TMTC2: variants seen among roughly 807,000 people sequenced by gnomAD.
The protein encoded by TMTC2 is protein O-mannosyl-transferase TMTC2.
TMTC2 carries 43 observed loss-of-function variants against 82.4 expected under a neutral mutation model. The ratio of observed to expected loss-of-function variants is 0.52; its 90% confidence interval spans 0.41 to 0.67. The LOEUF is 0.67. TMTC2 is among the 30% of genes least tolerant of loss of function. The pLI, the probability that TMTC2 is intolerant of heterozygous loss-of-function variation, is 0.00. For missense variants in TMTC2, 919 were observed against 1,012.4 expected, an observed-to-expected ratio of 0.91 and a Z score of 1.25; for synonymous variants, 408 against 381.9, an observed-to-expected ratio of 1.07 and a Z score of -0.80.
chr12:82,999,536 A>G (rs181384665), intron 8 of TMTC2, among the ~76,000 whole-genome samples: 9 of 147,050 alleles, frequency 6.1e-5, no homozygotes, highest in African/African-American at 2.5e-4. Context: ...TAATGGACTT[A>G]TAGTTCCACA....
At chr12:82,926,898 G>T (rs1412272079) in intron 3 of TMTC2, among the ~76,000 whole-genome samples, 1 of 152,194 alleles carries the variant, frequency 6.6e-6, no homozygotes, top group Non-Finnish European at 1.5e-5. Flanking sequence ...GAGTCCTACT[G>T]CTCAGAAAGA....
chr12:83,014,916 T>C (rs1880608167), intron 8 of TMTC2, among the ~76,000 whole-genome samples: 1 of 152,188 alleles, frequency 6.6e-6, no homozygotes, highest in African/African-American at 2.4e-5. Context: ...GCTATCTTTG[T>C]CACAGTCTCA....
At chr12:82,974,396 G>A (rs1050749981) in intron 7 of TMTC2, among the ~76,000 whole-genome samples, 2 of 152,050 alleles carry the variant, frequency 1.3e-5, no homozygotes, top group Admixed American at 6.6e-5. Flanking sequence ...TTCATTAATT[G>A]GATTTAAAAA....
chr12:82,743,558 G>T (rs1875528457), intron 1 of TMTC2, among the ~76,000 whole-genome samples: 1 of 151,360 alleles, frequency 6.6e-6, no homozygotes, highest in Non-Finnish European at 1.5e-5. Flanking sequence ...CCTTTTCATT[G>T]TTTCCCACAA....
intron 3 of TMTC2, among the ~76,000 whole-genome samples, chr12:82,901,932 C>A (rs923819131): frequency 4.6e-5 from 7 of 152,046 alleles, no homozygotes; most frequent in African/African-American, 1.4e-4. Context: ...GAAAAATGTT[C>A]TATTATTTTA....
rs780740559 is a variant in TMTC2 at position 82,891,001 on chromosome 12, C to T, written c.655-4817C>T. Among the ~76,000 whole-genome samples the T allele has an allele frequency of 2.3e-4, 35 of 152,178 alleles. 3 individuals carry two copies. The highest frequency in any genetic ancestry group is 7.3e-5 in the Non-Finnish European group (5 of 68,034). On this transcript the variant is annotated intron_variant, in intron 2 of 11. Transcript: ENST00000321196. ...GCTAGTTTTAGCTTGCAAGGAGATT[C>T]ATGCCTTATCTATACTTGCATCTGA...
chr12:83,032,140 T>C (rs1001347773), intron 9 of TMTC2, among the ~76,000 whole-genome samples: 2 of 151,742 alleles, frequency 1.3e-5, no homozygotes, highest in East Asian at 3.9e-4. Flanking sequence ...TCATTGCATG[T>C]TATAAAATAG....
At chr12:82,954,092 T>G (rs2137283963) in intron 4 of TMTC2, among the ~76,000 whole-genome samples, 1 of 152,228 alleles carries the variant, frequency 6.6e-6, no homozygotes, top group African/African-American at 2.4e-5. Flanking sequence ...CTAATTTTCA[T>G]TTGTCTTAGT....
chr12:83,115,220 C>T (rs913018915), intron 11 of TMTC2, among the ~76,000 whole-genome samples: 21 of 152,036 alleles, frequency 1.4e-4, no homozygotes, highest in African/African-American at 5.1e-4. Context: ...GCACATGTTC[C>T]TCCTTCCCCT....
chr12:82,998,723 A>G lies in TMTC2; in HGVS notation c.2070+12677A>G, dbSNP rs117063078. 3.6e-3 allele frequency among the ~76,000 whole-genome samples: 547 copies of G among 152,236 alleles called. 8 individuals carry two copies. In the South Asian group the frequency reaches 0.039, roughly 11 times the overall value. Reference sequence around the variant, plus strand: ...TAACTGGGATGCTCTCACCCTCCACATTTAGCAGTTTGAGTCATAATCTTT... The same window carrying G: ...TAACTGGGATGCTCTCACCCTCCACGTTTAGCAGTTTGAGTCATAATCTTT... On this transcript the variant is annotated intron_variant, in intron 8 of 11. Transcript: ENST00000321196.
At chr12:83,105,594 G>A (rs1884366653) in intron 11 of TMTC2, among the ~76,000 whole-genome samples, 1 of 152,066 alleles carries the variant, frequency 6.6e-6, no homozygotes, top group Non-Finnish European at 1.5e-5. Flanking sequence ...AGCAGATCTT[G>A]CAAGTACTCA....
chr12:83,015,588 G>A (rs1486346178), intron 8 of TMTC2, among the ~76,000 whole-genome samples: 1 of 152,142 alleles, frequency 6.6e-6, no homozygotes, highest in Non-Finnish European at 1.5e-5. Context: ...CTGAACTACT[G>A]TTAAATTGTC....
At chr12:82,812,300 G>A (rs1868443114) in intron 1 of TMTC2, among the ~76,000 whole-genome samples, 1 of 152,056 alleles carries the variant, frequency 6.6e-6, no homozygotes, top group Admixed American at 6.5e-5. Context: ...TTCTGTAATA[G>A]TGGTTGTATT....
chr12:83,045,945 G>A (rs569613943), intron 9 of TMTC2, among the ~76,000 whole-genome samples: 1 of 152,160 alleles, frequency 6.6e-6, no homozygotes, highest in East Asian at 1.9e-4. Context: ...TATCACCCCA[G>A]AAGTATGCCA....
chr12:82,713,247 G>T (rs1269457712), intron 1 of TMTC2, among the ~76,000 whole-genome samples: 1 of 152,034 alleles, frequency 6.6e-6, no homozygotes, highest in Non-Finnish European at 1.5e-5. Context: ...CCTGGGAGGT[G>T]GAGGTTGCAG....
chr12:82,937,165 G>A (rs968156262), intron 4 of TMTC2, among the ~76,000 whole-genome samples: 1 of 152,078 alleles, frequency 6.6e-6, no homozygotes, highest in Non-Finnish European at 1.5e-5. Flanking sequence ...AATACTACAA[G>A]GTACATAGCT....
At chr12:82,982,488 T>G (rs1878965022) in intron 7 of TMTC2, among the ~76,000 whole-genome samples, 1 of 151,816 alleles carries the variant, frequency 6.6e-6, no homozygotes, top group Non-Finnish European at 1.5e-5. Context: ...TTATTACCAT[T>G]TATATACACC....
chr12:82,697,334 C>CA (rs367770708), intron 1 of TMTC2, among the ~76,000 whole-genome samples: 5,095 of 60,360 alleles, frequency 0.084, 204 homozygotes, highest in Admixed American at 0.17. Flanking sequence ...CAGCCTGTCT[C>CA]AAAAAAAAAA....
rs1319393748 is a variant in TMTC2, at chr12:83,051,026, T to C, written c.2267+8T>C. The stretch of plus-strand genomic sequence containing the variant: ...TGCTGCCCACATGCTCAGGTTAGTT[T>C]TTTTGCTGCTGTGCCTCAAAGCCTA... On this transcript the variant is annotated splice_region_variant and intron_variant, in intron 10 of 11. Transcript: ENST00000321196. 6.3e-7 allele frequency: 1 copy of C among 1,598,962 alleles called. No individual in the cohort carries two copies.
Sources: gnomAD v4.1 joint callset for allele counts (sites outside exome capture counted in the v4.1 genomes callset) on GRCh38, gnomAD v4.1.1 for gene constraint, MANE v1.5 for transcripts, NCBI Gene and HGNC (gene_info 2026-07-23, HGNC 2026-07-21) for gene names.